The following METTL24 variants were observed in gnomAD, a reference collection of about 807,000 sequenced individuals.
METTL24 encodes methyltransferase like 24.
Under a neutral mutation model 32.7 loss-of-function variants are expected in METTL24, and 29 were observed. That is an observed-to-expected ratio of 0.89 (90% CI 0.66 to 1.21). METTL24 has a LOEUF of 1.21. Ranked by LOEUF, METTL24 falls within the 50% of genes most tolerant of loss-of-function variation. The probability of loss-of-function intolerance (pLI) is 0.00; values close to 1 mark genes in which losing one functional copy is unlikely to be tolerated. For synonymous variants in METTL24, 163 were observed against 179.5 expected (o/e 0.91, Z 0.73); for missense variants, 439 against 468.1 (o/e 0.94, Z 0.57).
intron 1 of METTL24, among the ~76,000 whole-genome samples, chr6:110,328,660 C>A (rs970571829): frequency 6.6e-6 from 1 of 152,178 alleles, no homozygotes; most frequent in South Asian, 2.1e-4. Flanking sequence ...CAAGATTTTA[C>A]TCCTAAAAGA....
intron 4 of METTL24, among the ~76,000 whole-genome samples, chr6:110,265,337 G>A (rs1007237555): frequency 1.3e-5 from 2 of 152,046 alleles, no homozygotes; most frequent in Non-Finnish European, 2.9e-5. Context: ...AATGTACTGA[G>A]GAAAGCATTT....
Position 110,357,922 on chromosome 6 carries a change from C to A in METTL24, c.318+33G>T, listed in dbSNP as rs752509569. 3 of 1,190,142 alleles carry A rather than the reference C, an allele frequency of 2.5e-6. No homozygotes were observed. The South Asian group carries it at 1.2e-4, about 46-fold the overall frequency. The allele number at this position is 1,190,142 out of a possible 1,614,324, so 73.7% of individuals were successfully genotyped here. A position where few individuals can be genotyped will look rare whatever the true frequency, so the allele number is the denominator to read the frequency against. On this transcript the variant is annotated intron_variant, in intron 1 of 4. Coordinates refer to ENST00000338882, the MANE Select transcript of METTL24 (RefSeq NM_001123364.3). ...GCGCGGTCGGGAGGGGGCTTCTGGT[C>A]CCAGGCCCAAGACCGACCGCTTTGC...
chr6:110,319,415 G>T (rs373716417), intron 2 of METTL24, among the ~76,000 whole-genome samples: 1 of 103,728 alleles, frequency 9.6e-6, no homozygotes, highest in Non-Finnish European at 2.0e-5. Flanking sequence ...AGGTAGAGAG[G>T]TAGAGATAGA....
At chr6:110,324,253 C>T (rs1035696959) in intron 1 of METTL24, among the ~76,000 whole-genome samples, 3 of 152,172 alleles carry the variant, frequency 2.0e-5, no homozygotes, top group African/African-American at 7.2e-5. Flanking sequence ...TGCAGAATCC[C>T]TGTAGAGCCC....
intron 4 of METTL24, among the ~76,000 whole-genome samples, chr6:110,250,049 A>G (rs774020245): frequency 3.3e-5 from 5 of 151,998 alleles, no homozygotes; most frequent in Admixed American, 2.6e-4. Flanking sequence ...TCATAGGCAC[A>G]AGTTTATCCC....
At chr6:110,266,489 C>G (rs181637990) in intron 4 of METTL24, among the ~76,000 whole-genome samples, 26 of 152,238 alleles carry the variant, frequency 1.7e-4, no homozygotes, top group Middle Eastern at 3.4e-3. Flanking sequence ...ATTCTGGGAT[C>G]TCTATTCTTT....
At chr6:110,341,278 A>T (rs906232931) in intron 1 of METTL24, among the ~76,000 whole-genome samples, 1 of 152,238 alleles carries the variant, frequency 6.6e-6, no homozygotes, top group Non-Finnish European at 1.5e-5. Context: ...AAATAAGAAC[A>T]TTCCCTGTCC....
chr6:110,348,633 G>C (rs915009554), intron 1 of METTL24, among the ~76,000 whole-genome samples: 2 of 152,218 alleles, frequency 1.3e-5, no homozygotes, highest in Admixed American at 1.3e-4. Flanking sequence ...CACGAATATT[G>C]CCTCTGATTT....
At chr6:110,290,962 T>G (rs999484812) in intron 4 of METTL24, among the ~76,000 whole-genome samples, 2 of 152,204 alleles carry the variant, frequency 1.3e-5, no homozygotes. Flanking sequence ...TAACTAATCA[T>G]ATTCAGCATC....
Position 110,245,149 on chromosome 6 carries a change from G to A in METTL24, c.*797C>T, listed in dbSNP as rs1399446465. The stretch of plus-strand genomic sequence containing the variant: ...CCAGATGAAATTAATATTTAAATCA[G>A]TAGACTAAATAAATCAGATTCTTCA... On this transcript the variant is annotated 3_prime_UTR_variant, in exon 5 of 5. Transcript: ENST00000338882. 6.6e-6 allele frequency among the ~76,000 whole-genome samples: 1 copy of A among 152,150 alleles called. No individual in the cohort carries two copies. Among genetic ancestry groups the A allele is most frequent in the Non-Finnish European group, 1.5e-5 (1 of 68,026 alleles).
intron 3 of METTL24, among the ~76,000 whole-genome samples, chr6:110,311,997 T>C (rs1474835552): frequency 3.3e-5 from 5 of 152,174 alleles, no homozygotes; most frequent in Admixed American, 6.5e-5. Flanking sequence ...ATTCAACAGG[T>C]TGTCTCTTCA....
chr6:110,262,281 G>A (rs755580739), intron 4 of METTL24, among the ~76,000 whole-genome samples: 1 of 151,900 alleles, frequency 6.6e-6, no homozygotes, highest in Non-Finnish European at 1.5e-5. Flanking sequence ...TTGATAAAGG[G>A]GATATCACCA....
intron 3 of METTL24, among the ~76,000 whole-genome samples, chr6:110,301,989 G>A (rs1361802688): frequency 3.3e-5 from 5 of 152,152 alleles, no homozygotes; most frequent in East Asian, 1.9e-4. Context: ...TTAAGAGAAC[G>A]TTATGGCTGC....
intron 4 of METTL24, among the ~76,000 whole-genome samples, chr6:110,292,759 TA>T (rs1386337491): frequency 6.6e-6 from 1 of 152,002 alleles, no homozygotes. Flanking sequence ...TTATGGTCTT[TA>T]AAAAAACTTT....
intron 2 of METTL24, among the ~76,000 whole-genome samples, chr6:110,316,675 C>T (rs1382507284): frequency 2.0e-5 from 3 of 152,354 alleles, no homozygotes; most frequent in South Asian, 4.1e-4. Context: ...GCAGGAGGAT[C>T]GCTTGAGCCC....
chr6:110,272,000 A>G (rs1215591486), intron 4 of METTL24, among the ~76,000 whole-genome samples: 1 of 151,670 alleles, frequency 6.6e-6, no homozygotes, highest in South Asian at 2.1e-4. Context: ...TATTATTATT[A>G]TTTTATTTCA....
intron 1 of METTL24, among the ~76,000 whole-genome samples, chr6:110,350,758 T>G (rs149230729): frequency 0.038 from 2,851 of 74,976 alleles, 120 homozygotes; most frequent in African/African-American, 0.14. Context: ...AGACCCTGTC[T>G]CAACAAAATA....
chr6:110,326,636 G>T (rs1018750030), intron 1 of METTL24, among the ~76,000 whole-genome samples: 50 of 152,204 alleles, frequency 3.3e-4, no homozygotes, highest in African/African-American at 1.1e-3. Context: ...ATTTACAAAG[G>T]TGTGGGCAGG....
intron 1 of METTL24, among the ~76,000 whole-genome samples, chr6:110,332,976 G>A (rs1057031710): frequency 1.7e-4 from 25 of 150,876 alleles, no homozygotes; most frequent in African/African-American, 6.1e-4. Flanking sequence ...AACCATATTT[G>A]TAAGGATTAT....
Sources: allele counts gnomAD v4.1 joint callset (sites outside exome capture counted in the v4.1 genomes callset), GRCh38; gene constraint gnomAD v4.1.1; transcripts MANE v1.5; gene names NCBI Gene and HGNC (gene_info 2026-07-23, HGNC 2026-07-21).